PMEPA1: variants seen among roughly 807,000 people sequenced by gnomAD.
PMEPA1 encodes the protein prostate transmembrane protein, androgen induced 1.
In PMEPA1, 11 loss-of-function variants were observed where a neutral mutation model predicts 23.0. That is an observed-to-expected ratio of 0.48 (90% confidence interval 0.30 to 0.79). The LOEUF is 0.79. Among genes scored for constraint, PMEPA1 ranks in the 30% least tolerant of loss-of-function variants. The probability of loss-of-function intolerance (pLI) is 0.06; values close to 1 mark genes in which losing one functional copy is unlikely to be tolerated. For synonymous variants in PMEPA1, 204 were observed against 166.4 expected (o/e 1.23, Z -1.74); for missense variants, 377 against 390.9 (o/e 0.96, Z 0.30).
chr20:57,687,355 C>G (rs1009153345), intron 1 of PMEPA1, among the ~76,000 whole-genome samples: 5 of 152,228 alleles, frequency 3.3e-5, no homozygotes, highest in African/African-American at 1.2e-4. Context: ...TGCCATTTAA[C>G]AGAGGGACCC....
At chr20:57,700,272 G>A (rs933182931) in intron 1 of PMEPA1, 1 of 397,798 alleles carries the variant, frequency 2.5e-6, no homozygotes, top group South Asian at 1.8e-5. Flanking sequence ...GGGGGAACAG[G>A]GAAACTGAGG....
intron 1 of PMEPA1, among the ~76,000 whole-genome samples, chr20:57,685,680 T>C (rs1600659963): frequency 6.6e-6 from 1 of 151,984 alleles, no homozygotes; most frequent in Admixed American, 6.6e-5. Flanking sequence ...GCTCTTAAAA[T>C]AGGACTGTAC....
At chr20:57,659,214 C>T (rs2071371997) in intron 2 of PMEPA1, among the ~76,000 whole-genome samples, 1 of 152,240 alleles carries the variant, frequency 6.6e-6, no homozygotes. Flanking sequence ...ACAGCAAGGA[C>T]CTGTGTGCTG....
At chr20:57,706,867 G>A (rs1194739219) in intron 1 of PMEPA1, among the ~76,000 whole-genome samples, 1 of 152,178 alleles carries the variant, frequency 6.6e-6, no homozygotes, top group Non-Finnish European at 1.5e-5. Flanking sequence ...TGGGGTAGCT[G>A]AAGACCACAC....
intron 1 of PMEPA1, among the ~76,000 whole-genome samples, chr20:57,662,434 GC>G (rs973830822): frequency 6.6e-6 from 1 of 152,198 alleles, no homozygotes; most frequent in African/African-American, 2.4e-5. Flanking sequence ...GCTTGGTGGG[GC>G]TTTCCCAAGC....
At chr20:57,701,712 C>T (rs1411908878) in intron 1 of PMEPA1, among the ~76,000 whole-genome samples, 1 of 152,164 alleles carries the variant, frequency 6.6e-6, no homozygotes, top group Non-Finnish European at 1.5e-5. Flanking sequence ...TTCCACCTCA[C>T]AGAGGGTCAA....
At chr20:57,711,120 C>T (rs1160522718), upstream of PMEPA1, 1 of 152,224 alleles carries the variant, frequency 6.6e-6, no homozygotes, top group Non-Finnish European at 1.5e-5. Flanking sequence ...TGGGGAGCTG[C>T]CTCCCCCTCT....
intron 1 of PMEPA1, among the ~76,000 whole-genome samples, chr20:57,698,184 G>GC (rs2071966557): frequency 2.0e-5 from 3 of 152,114 alleles, no homozygotes; most frequent in African/African-American, 7.2e-5. Context: ...GGAGTGCATT[G>GC]AGCTGCGATC....
chr20:57,675,464 T>C (rs2071623723), intron 1 of PMEPA1, among the ~76,000 whole-genome samples: 1 of 152,214 alleles, frequency 6.6e-6, no homozygotes. Flanking sequence ...CCCCCAACCA[T>C]GCCAACTTGC....
intron 1 of PMEPA1, among the ~76,000 whole-genome samples, chr20:57,692,431 C>G (rs971981230): frequency 2.6e-5 from 4 of 152,234 alleles, no homozygotes; most frequent in Admixed American, 2.0e-4. Context: ...CACAGGGCGG[C>G]CCAGACAGGG....
At chr20:57,671,056 A>T (rs988118513) in intron 1 of PMEPA1, among the ~76,000 whole-genome samples, 7 of 152,196 alleles carry the variant, frequency 4.6e-5, no homozygotes, top group African/African-American at 1.7e-4. Context: ...TTAGAACCTG[A>T]TGATTTTAGA....
rs539038301 is a variant in PMEPA1 at position 57,708,847 on chromosome 20, C to A, written c.109+627G>T. Among the ~76,000 whole-genome samples the A allele has an allele frequency of 1.1e-4, 17 of 152,166 alleles. No individual in the cohort carries two copies. In the East Asian group the frequency reaches 2.9e-3, roughly 26 times the overall value. ...CAAGAAAGGCACCCCGGCCCGGACA[C>A]GGGAAAGACACACAGAGAGAGGCAG... On this transcript the variant is annotated intron_variant, in intron 1 of 3. Coordinates refer to ENST00000341744, the MANE Select transcript of PMEPA1 (RefSeq NM_020182.5).
intron 1 of PMEPA1, among the ~76,000 whole-genome samples, chr20:57,698,638 G>A (rs2071972573): frequency 6.6e-6 from 1 of 152,216 alleles, no homozygotes; most frequent in South Asian, 2.1e-4. Context: ...ACTCTGGCCA[G>A]CTACAGACAT....
intron 1 of PMEPA1, among the ~76,000 whole-genome samples, chr20:57,697,351 A>G (rs1568684183): frequency 1.3e-5 from 2 of 152,224 alleles, no homozygotes; most frequent in African/African-American, 2.4e-5. Flanking sequence ...GCAAGGATGG[A>G]GGGTGCAATT....
At chr20:57,681,395 G>A (rs2071710647) in intron 1 of PMEPA1, among the ~76,000 whole-genome samples, 1 of 152,172 alleles carries the variant, frequency 6.6e-6, no homozygotes, top group African/African-American at 2.4e-5. Flanking sequence ...GCAACCAGGG[G>A]TTGCCCCGGA....
intron 1 of PMEPA1, among the ~76,000 whole-genome samples, chr20:57,678,953 AG>A (rs2071674711): frequency 6.6e-6 from 1 of 152,242 alleles, no homozygotes; most frequent in Non-Finnish European, 1.5e-5. Context: ...CATATTGTTC[AG>A]GAAGAACTGC....
upstream of PMEPA1, chr20:57,710,282 C>A (rs754715162): frequency 1.5e-6 from 1 of 668,178 alleles, no homozygotes; most frequent in Non-Finnish European, 2.3e-6. Flanking sequence ...GCCGGGGAGC[C>A]GAACTCGGTG....
At chr20:57,662,238 C>T (rs973264586) in intron 1 of PMEPA1, among the ~76,000 whole-genome samples, 7 of 152,336 alleles carry the variant, frequency 4.6e-5, no homozygotes, top group South Asian at 2.1e-4. Context: ...CGTCCTGCAC[C>T]GACAGGACTG....
intron 1 of PMEPA1, among the ~76,000 whole-genome samples, chr20:57,675,375 G>C (rs948191397): frequency 1.3e-5 from 2 of 152,172 alleles, no homozygotes; most frequent in Non-Finnish European, 2.9e-5. Flanking sequence ...CCGACCTCTT[G>C]GAAGCAGCAA....
Sources: gnomAD v4.1 joint callset for allele counts (sites outside exome capture counted in the v4.1 genomes callset) on GRCh38, gnomAD v4.1.1 for gene constraint, MANE v1.5 for transcripts, NCBI Gene and HGNC (gene_info 2026-07-23, HGNC 2026-07-21) for gene names.